TMOD3: variants seen among roughly 807,000 people sequenced by gnomAD.
The protein encoded by TMOD3 is tropomodulin-3.
In TMOD3, 20 loss-of-function variants were observed where a neutral mutation model predicts 39.2. That is an observed-to-expected ratio of 0.51 (90% CI 0.36 to 0.74). The LOEUF is 0.74. Ranked by LOEUF, TMOD3 falls within the 30% of genes least tolerant of loss-of-function variation. The pLI is 0.00. For synonymous variants in TMOD3, 143 were observed against 145.8 expected, an observed-to-expected ratio of 0.98 and a Z score of 0.14; for missense variants, 381 against 412.8, an observed-to-expected ratio of 0.92 and a Z score of 0.67.
At chr15:51,835,150 G>A (rs190942035) in intron 1 of TMOD3, 3 of 152,204 alleles carry the variant, frequency 2.0e-5, no homozygotes, top group Non-Finnish European at 2.9e-5. Context: ...TTATAAAATA[G>A]GCAGATGTTT....
In TMOD3 at chr15:51,915,596, C is replaced by G. The variant is rs909674607; in HGVS notation, c.*6786C>G. The G allele has an allele frequency of 1.3e-5, 2 of 151,954 alleles. No homozygotes were observed. The highest frequency in any genetic ancestry group is 4.8e-5 in the African/African-American group (2 of 41,334). 9.4% of individuals were successfully genotyped at this position (151,954 alleles called of 1,614,324 possible). A position where few individuals can be genotyped will look rare whatever the true frequency, so the allele number is the denominator to read the frequency against. ...TTTTAACACTGGTATTTAAATAATA[C>G]AAAATATTATCCAAATTCATAACAG... On this transcript the variant is annotated 3_prime_UTR_variant, in exon 10 of 10. Transcript: ENST00000308580.
rs2056699230 is a variant in TMOD3 at position 51,909,488 on chromosome 15, T to C, written c.*678T>C. On this transcript the variant is annotated 3_prime_UTR_variant, in exon 10 of 10. Transcript: ENST00000308580. The stretch of plus-strand genomic sequence containing the variant: ...AGGTTACATACTTTATTTAAAAGTA[T>C]AGTGAGGTCGAAGTTCATTCCAGTG... 6.6e-6 allele frequency: 1 copy of C among 152,614 alleles called. No individual in the cohort carries two copies. Among genetic ancestry groups the C allele is most frequent in the African/African-American group, 2.4e-5 (1 of 41,446 alleles). The allele number at this position is 152,614 out of a possible 1,614,324, so 9.5% of individuals were successfully genotyped here.
At chr15:51,903,712 T>C (rs888926350) in intron 9 of TMOD3, among the ~76,000 whole-genome samples, 2 of 152,236 alleles carry the variant, frequency 1.3e-5, no homozygotes, top group South Asian at 4.1e-4. Flanking sequence ...TTCAGGCGTT[T>C]AATTTGGCTT....
At chr15:51,847,831 A>G (rs1010050943) in intron 1 of TMOD3, among the ~76,000 whole-genome samples, 7 of 152,208 alleles carry the variant, frequency 4.6e-5, no homozygotes, top group Non-Finnish European at 7.3e-5. Flanking sequence ...TATGTGTGCC[A>G]ATACAGTGCT....
chr15:51,832,479 G>C (rs2056261587), intron 1 of TMOD3, among the ~76,000 whole-genome samples: 1 of 151,784 alleles, frequency 6.6e-6, no homozygotes, highest in Non-Finnish European at 1.5e-5. Context: ...TATCTACATA[G>C]AGTATAGTGG....
chr15:51,854,346 T>A (rs2056377609), intron 1 of TMOD3, among the ~76,000 whole-genome samples: 1 of 152,218 alleles, frequency 6.6e-6, no homozygotes, highest in African/African-American at 2.4e-5. Flanking sequence ...TTTGGCCCCC[T>A]GTAGTTTGCC....
chr15:51,914,371 A>G lies in TMOD3; in HGVS notation c.*5561A>G, dbSNP rs1566872059. The G allele has an allele frequency of 6.6e-6, 1 of 152,142 alleles. No homozygotes were observed. Among genetic ancestry groups the G allele is most frequent in the Non-Finnish European group, 1.5e-5 (1 of 68,034 alleles). The allele number at this position is 152,142 out of a possible 1,614,324, so 9.4% of individuals were successfully genotyped here. ...CACCTGCTCTAGAGGCTAGATAAAA[A>G]TAGATTGTAATGGCCGGGTGCAGTG... On this transcript the variant is annotated 3_prime_UTR_variant, in exon 10 of 10. Transcript: ENST00000308580.
chr15:51,880,148 G>A (rs1345117340), intron 3 of TMOD3, among the ~76,000 whole-genome samples: 2 of 151,924 alleles, frequency 1.3e-5, no homozygotes, highest in African/African-American at 2.4e-5. Flanking sequence ...GATGTTTCTC[G>A]GGAAACAGCT....
intron 5 of TMOD3, 44 bp from the exon 6 acceptor site, chr15:51,893,771 A>AG: frequency 6.8e-7 from 1 of 1,463,874 alleles, no homozygotes; most frequent in Non-Finnish European, 9.1e-7. Flanking sequence ...TCTCAAAAAA[A>AG]AAAAAATGGT....
At chr15:51,837,287 A>G (rs2056291021) in intron 1 of TMOD3, among the ~76,000 whole-genome samples, 1 of 152,152 alleles carries the variant, frequency 6.6e-6, no homozygotes, top group African/African-American at 2.4e-5. Flanking sequence ...AGCCCCTCAA[A>G]TGTATATGAG....
At position 51,911,207 on chromosome 15, in the gene TMOD3, G is replaced by C. The variant is rs2141714473; in HGVS notation, c.*2397G>C. ...CCTTCATCCCTTAAGTTTTGTTTTT[G>C]TTTTTGTTTTTAATATAGGTAAGTG... is the stretch of plus-strand genomic sequence containing the variant. On this transcript the variant is annotated 3_prime_UTR_variant, in exon 10 of 10. Coordinates refer to ENST00000308580, the MANE Select transcript of TMOD3 (RefSeq NM_014547.5). 1 of 152,112 alleles carries C rather than the reference G, an allele frequency of 6.6e-6. No homozygotes were observed. Among genetic ancestry groups the C allele is most frequent in the East Asian group, 1.9e-4 (1 of 5,186 alleles). The allele number at this position is 152,112 out of a possible 1,614,324, so 9.4% of individuals were successfully genotyped here.
At chr15:51,885,910 C>A (rs957884921) in intron 3 of TMOD3, among the ~76,000 whole-genome samples, 3 of 149,196 alleles carry the variant, frequency 2.0e-5, no homozygotes, top group Admixed American at 2.0e-4. Flanking sequence ...GGCTGCCGGG[C>A]GGGGGCTGCC....
At chr15:51,892,392 T>C (rs1366506583) in intron 5 of TMOD3, 4 of 152,248 alleles carry the variant, frequency 2.6e-5, no homozygotes, top group Non-Finnish European at 4.4e-5. Context: ...CACACATGCA[T>C]CAGAGCACAG....
At chr15:51,874,100 G>C (rs1362144680) in intron 3 of TMOD3, among the ~76,000 whole-genome samples, 1 of 152,122 alleles carries the variant, frequency 6.6e-6, no homozygotes, top group Non-Finnish European at 1.5e-5. Context: ...GGACAGGAGG[G>C]AATCCTCATA....
At chr15:51,870,158 C>T (rs564168965) in intron 3 of TMOD3, among the ~76,000 whole-genome samples, 9 of 152,240 alleles carry the variant, frequency 5.9e-5, no homozygotes, top group Admixed American at 1.3e-4. Flanking sequence ...AGGCTGGTCT[C>T]GAACTCCTGA....
intron 7 of TMOD3, among the ~76,000 whole-genome samples, chr15:51,897,116 C>G (rs2056624625): frequency 6.6e-6 from 1 of 152,204 alleles, no homozygotes; most frequent in Admixed American, 6.5e-5. Flanking sequence ...AGTGGACATT[C>G]CTTCTCAAAG....
chr15:51,907,763 G>A (rs1454174963), intron 9 of TMOD3, among the ~76,000 whole-genome samples: 1 of 152,220 alleles, frequency 6.6e-6, no homozygotes, highest in East Asian at 1.9e-4. Flanking sequence ...TGGCTGATAG[G>A]TGAGAGCGCA....
At chr15:51,873,607 GTCAT>G (rs2141691935) in intron 3 of TMOD3, among the ~76,000 whole-genome samples, 1 of 152,234 alleles carries the variant, frequency 6.6e-6, no homozygotes, top group South Asian at 2.1e-4. Context: ...TTGTAGCAGT[GTCAT>G]TCAGTTCCTT....
At chr15:51,848,165 T>C (rs1265598914) in intron 1 of TMOD3, among the ~76,000 whole-genome samples, 1 of 152,246 alleles carries the variant, frequency 6.6e-6, no homozygotes, top group East Asian at 1.9e-4. Context: ...GTTTACAAGC[T>C]ACCTAGTTTA....
Sources: allele counts gnomAD v4.1 joint callset (sites outside exome capture counted in the v4.1 genomes callset), GRCh38; gene constraint gnomAD v4.1.1; transcripts MANE v1.5; gene names NCBI Gene and HGNC (gene_info 2026-07-23, HGNC 2026-07-21).